The following WWOX variants were observed in gnomAD, a reference collection of about 807,000 sequenced individuals.
The protein encoded by WWOX is WW domain-containing oxidoreductase.
In WWOX, 69 loss-of-function variants were observed where a neutral mutation model predicts 46.2. The ratio of observed to expected loss-of-function variants is 1.49; its 90% confidence interval spans 1.23 to 1.82. The LOEUF (loss-of-function observed/expected upper bound fraction) is 1.82. Ranked by LOEUF, WWOX falls within the 40% of genes most tolerant of loss-of-function variation. WWOX has a pLI of 0.00. For missense variants in WWOX, 919 were observed against 542.6 expected (o/e 1.69, Z -6.89); for synonymous variants, 359 against 202.6 (o/e 1.77, Z -6.56).
chr16:79,034,914 T>C (rs1023451955), intron 8 of WWOX, among the ~76,000 whole-genome samples: 1 of 152,148 alleles, frequency 6.6e-6, no homozygotes, highest in Non-Finnish European at 1.5e-5. Context: ...ATTAAATACA[T>C]TTTGCAAATG....
Position 79,110,085 on chromosome 16 carries a change from T to A in WWOX, c.1057-101523T>A, listed in dbSNP as rs182961643. The stretch of plus-strand genomic sequence containing the variant: ...ATCCTGTTATTGGGCTTTCAGACTT[T>A]CGCTTAGCAACCTCATTGCACCCAG... On this transcript the variant is annotated intron_variant, in intron 8 of 8. Transcript: ENST00000566780. Among the ~76,000 whole-genome samples, 139 of 152,310 alleles carry A rather than the reference T, an allele frequency of 9.1e-4. 1 individual carries two copies. The highest frequency in any genetic ancestry group is 3.4e-3 in the Middle Eastern group (1 of 294).
At chr16:78,735,477 C>T (rs1318284927) in intron 8 of WWOX, among the ~76,000 whole-genome samples, 2 of 151,708 alleles carry the variant, frequency 1.3e-5, no homozygotes, top group Non-Finnish European at 2.9e-5. Flanking sequence ...GAGGCAAGAT[C>T]CTGTTTTGAC....
chr16:79,128,909 C>A (rs1039837125), intron 8 of WWOX, among the ~76,000 whole-genome samples: 1 of 152,118 alleles, frequency 6.6e-6, no homozygotes, highest in Non-Finnish European at 1.5e-5. Flanking sequence ...TCCCACAACC[C>A]GCACAAAGGT....
intron 8 of WWOX, among the ~76,000 whole-genome samples, chr16:78,684,577 A>T (rs934663040): frequency 8.5e-5 from 13 of 152,152 alleles, no homozygotes; most frequent in Admixed American, 7.9e-4. Flanking sequence ...CAGCTGCAAC[A>T]TCCCTGGGGT....
At chr16:78,465,600 T>C (rs142217353) in intron 8 of WWOX, among the ~76,000 whole-genome samples, 1 of 152,256 alleles carries the variant, frequency 6.6e-6, no homozygotes, top group African/African-American at 2.4e-5. Flanking sequence ...AATCTCTGAA[T>C]TTAACATGCT....
intron 8 of WWOX, among the ~76,000 whole-genome samples, chr16:78,470,950 A>G (rs2084206220): frequency 1.3e-5 from 2 of 152,324 alleles, no homozygotes; most frequent in South Asian, 2.1e-4. Flanking sequence ...GGATGGCTGT[A>G]TGACAGATTC....
intron 8 of WWOX, among the ~76,000 whole-genome samples, chr16:78,943,033 C>G (rs530817511): frequency 3.9e-5 from 6 of 152,268 alleles, no homozygotes; most frequent in South Asian, 4.1e-4. Flanking sequence ...TTTTGCTTAT[C>G]TCTCCTGCTT....
At chr16:78,164,587 G>T (rs1262118274) in intron 5 of WWOX, among the ~76,000 whole-genome samples, 5 of 152,176 alleles carry the variant, frequency 3.3e-5, no homozygotes, top group Admixed American at 2.0e-4. Context: ...GCCCATGATT[G>T]CAACTAGGAG....
At chr16:78,273,225 C>T (rs569977789) in intron 5 of WWOX, among the ~76,000 whole-genome samples, 1 of 152,210 alleles carries the variant, frequency 6.6e-6, no homozygotes, top group South Asian at 2.1e-4. Context: ...TAATGATATC[C>T]TATGCCAAAC....
At chr16:78,804,494 A>G (rs2050976508) in intron 8 of WWOX, among the ~76,000 whole-genome samples, 1 of 152,164 alleles carries the variant, frequency 6.6e-6, no homozygotes, top group South Asian at 2.1e-4. Flanking sequence ...TCATGCAAAC[A>G]AGCGCACATG....
rs2050626626 is a variant in WWOX, at chr16:79,167,932, C to T, written c.1057-43676C>T. Among the ~76,000 whole-genome samples the T allele has an allele frequency of 1.3e-5, 2 of 152,164 alleles. 1 individual carries two copies. The highest frequency in any genetic ancestry group is 1.3e-4 in the Admixed American group (2 of 15,284). On this transcript the variant is annotated intron_variant, in intron 8 of 8. Coordinates refer to ENST00000566780, the MANE Select transcript of WWOX (RefSeq NM_016373.4). ...CTTCCAACTTCTCTGCTTTTGGTCTCTGTGGATTTGCCTATTCTGGGTATA... is the reference window on the plus strand; with the variant it reads ...CTTCCAACTTCTCTGCTTTTGGTCTTTGTGGATTTGCCTATTCTGGGTATA...
intron 8 of WWOX, among the ~76,000 whole-genome samples, chr16:78,484,985 T>TGA (rs2084593883): frequency 6.6e-6 from 1 of 151,928 alleles, no homozygotes; most frequent in Non-Finnish European, 1.5e-5. Context: ...CCCTGCCTTC[T>TGA]GATGAGCTGA....
In WWOX at chr16:79,014,318, G is replaced by C. The variant is rs146747302; in HGVS notation, c.1057-197290G>C. On this transcript the variant is annotated intron_variant, in intron 8 of 8. Transcript: ENST00000566780. ...TACCAAAAGATGCTTTCCTGGGGTGGTTCTGCTGGCAGTCGGGCAGTGACA... is the reference window on the plus strand; with the variant it reads ...TACCAAAAGATGCTTTCCTGGGGTGCTTCTGCTGGCAGTCGGGCAGTGACA... Among the ~76,000 whole-genome samples the C allele has an allele frequency of 5.3e-5, 8 of 152,282 alleles. No homozygotes were observed. The East Asian group carries it at 1.5e-3, about 29-fold the overall frequency.
chr16:78,934,204 G>A (rs1278077175), intron 8 of WWOX, among the ~76,000 whole-genome samples: 2 of 151,652 alleles, frequency 1.3e-5, no homozygotes, highest in Non-Finnish European at 2.9e-5. Context: ...CTGACATGGT[G>A]GCACATCCCT....
At chr16:78,516,240 A>G (rs1353901969) in intron 8 of WWOX, among the ~76,000 whole-genome samples, 1 of 152,136 alleles carries the variant, frequency 6.6e-6, no homozygotes, top group Non-Finnish European at 1.5e-5. Flanking sequence ...TTAAACAGAC[A>G]TCTATGCCAA....
intron 8 of WWOX, among the ~76,000 whole-genome samples, chr16:78,833,939 T>C (rs2051903306): frequency 6.6e-6 from 1 of 152,274 alleles, no homozygotes; most frequent in South Asian, 2.1e-4. Flanking sequence ...GGACTGTGTC[T>C]TATTCTGTGT....
chr16:78,504,152 G>A lies in WWOX; in HGVS notation c.1056+71400G>A, dbSNP rs187961888. ...ACAAAGCTAGAAACTACAAAACTAG[G>A]CATGGTTAATAAATAACTGAAATAC... On this transcript the variant is annotated intron_variant, in intron 8 of 8. Transcript: ENST00000566780. Among the ~76,000 whole-genome samples the A allele has an allele frequency of 3.1e-3, 478 of 152,226 alleles. 1 individual carries two copies. The highest frequency in any genetic ancestry group is 0.011 in the African/African-American group (459 of 41,530).
At position 78,598,292 on chromosome 16, in the gene WWOX, C is replaced by T. The variant is rs77461146; in HGVS notation, c.1056+165540C>T. ...ACATTGTGCTGTTAGGTTTAATAAA[C>T]GGATTGTGTTTTAAGATGTGTAAGA... On this transcript the variant is annotated intron_variant, in intron 8 of 8. Transcript: ENST00000566780. Among the ~76,000 whole-genome samples the T allele has an allele frequency of 3.3e-5, 5 of 152,086 alleles. No homozygotes were observed. In the East Asian group the frequency reaches 7.7e-4, roughly 23 times the overall value.
rs1363069689 is a variant in WWOX, at chr16:78,278,670, AAAT to A, written c.517-108187_517-108185del. 7 of 1,605,638 alleles carry A rather than the reference AAAT, an allele frequency of 4.4e-6. 1 individual carries two copies. The South Asian group carries it at 7.7e-5, about 18-fold the overall frequency. ...ATTTTCCACTAGCAAAAGAAGGAAA[AAAT>A]AAAAGATCTTGAATAGTCTCATCAA... On this transcript the variant is annotated intron_variant, in intron 5 of 8. Transcript: ENST00000566780.
Sources: allele counts gnomAD v4.1 joint callset (sites outside exome capture counted in the v4.1 genomes callset), GRCh38; gene constraint gnomAD v4.1.1; transcripts MANE v1.5; gene names NCBI Gene and HGNC (gene_info 2026-07-23, HGNC 2026-07-21).